Variants in AGFG1 observed in about 807,000 individuals in gnomAD.
AGFG1 encodes the protein ArfGAP with FG repeats 1.
A neutral mutation model predicts 60.6 loss-of-function variants in AGFG1; 10 were observed. The observed-to-expected ratio is 0.16, with a 90% CI of 0.10 to 0.28. AGFG1 has a LOEUF of 0.28. Among genes scored for constraint, AGFG1 ranks in the 10% least tolerant of loss-of-function variants. The pLI is 1.00. For missense variants in AGFG1, 537 were observed against 676.5 expected (o/e 0.79, Z 2.29); for synonymous variants, 247 against 242.9 (o/e 1.02, Z -0.16).
rs1477898460 is a variant in AGFG1 at position 227,558,504 on chromosome 2, C to G, written c.*4009C>G. Reference sequence around the variant, plus strand: ...ACTCCTATTTTGTAAAGCATTCCACCTTTATTGATACAGTTTGTGGCCTAT... The same window carrying G: ...ACTCCTATTTTGTAAAGCATTCCACGTTTATTGATACAGTTTGTGGCCTAT... On this transcript the variant is annotated 3_prime_UTR_variant, in exon 13 of 13. Coordinates refer to ENST00000310078, the MANE Select transcript of AGFG1 (RefSeq NM_004504.5). The G allele has an allele frequency of 6.6e-6, 1 of 151,860 alleles. No homozygotes were observed. The highest frequency in any genetic ancestry group is 2.4e-5 in the African/African-American group (1 of 41,330). The allele number at this position is 151,860 out of a possible 1,614,324, so 9.4% of individuals were successfully genotyped here.
intron 6 of AGFG1, among the ~76,000 whole-genome samples, chr2:227,531,583 C>T (rs1692161056): frequency 7.1e-6 from 1 of 140,592 alleles, no homozygotes; most frequent in Non-Finnish European, 1.5e-5. Context: ...CACATGCCAC[C>T]ACTCCCAGCT....
intron 6 of AGFG1, among the ~76,000 whole-genome samples, chr2:227,533,185 T>TTTGCATC (rs1403458631): frequency 6.6e-6 from 1 of 152,194 alleles, no homozygotes; most frequent in South Asian, 2.1e-4. Context: ...AGTAAGATAC[T>TTTGCATC]TTGCATCTTG....
rs930030632 is a variant in AGFG1, at chr2:227,556,287, A to G, written c.*1792A>G. 6.6e-6 allele frequency: 1 copy of G among 152,430 alleles called. No homozygotes were observed. Among genetic ancestry groups the G allele is most frequent in the Non-Finnish European group, 1.5e-5 (1 of 68,032 alleles). The allele number at this position is 152,430 out of a possible 1,614,324, so 9.4% of individuals were successfully genotyped here. ...GTTATCATAGTATTTTAAAACCTGT[A>G]TAGTGTTTTAGACTTGTTAAAACAT... On this transcript the variant is annotated 3_prime_UTR_variant, in exon 13 of 13. Coordinates refer to ENST00000310078, the MANE Select transcript of AGFG1 (RefSeq NM_004504.5).
At chr2:227,545,130 C>T (rs888054186) in intron 10 of AGFG1, among the ~76,000 whole-genome samples, 15 of 152,124 alleles carry the variant, frequency 9.9e-5, no homozygotes, top group East Asian at 3.8e-4. Flanking sequence ...CACATAGTCC[C>T]GTAGTTCTTG....
chr2:227,489,493 A>T (rs567389223), intron 1 of AGFG1, among the ~76,000 whole-genome samples: 41 of 152,164 alleles, frequency 2.7e-4, no homozygotes, highest in African/African-American at 8.9e-4. Context: ...AAGTACTGAG[A>T]TTACAGGTGT....
At chr2:227,544,379 C>A (rs1692581326) in intron 10 of AGFG1, among the ~76,000 whole-genome samples, 1 of 152,142 alleles carries the variant, frequency 6.6e-6, no homozygotes, top group African/African-American at 2.4e-5. Context: ...TGGTGTCGAT[C>A]TCCTGACCTC....
intron 10 of AGFG1, among the ~76,000 whole-genome samples, chr2:227,540,309 C>T (rs1196958392): frequency 6.6e-6 from 1 of 151,516 alleles, no homozygotes; most frequent in Admixed American, 6.6e-5. Context: ...TCGTCATTTA[C>T]ATTAGGTATG....
rs916041985 is a variant in AGFG1, at chr2:227,555,348, C to G, written c.*853C>G. On this transcript the variant is annotated 3_prime_UTR_variant, in exon 13 of 13. Coordinates refer to ENST00000310078, the MANE Select transcript of AGFG1 (RefSeq NM_004504.5). ...AGATTTACCATAATCCTACTAATTTCTTTGCAGCTTATTAATTTTGTGAAA... is the reference window on the plus strand; with the variant it reads ...AGATTTACCATAATCCTACTAATTTGTTTGCAGCTTATTAATTTTGTGAAA... 1.3e-5 allele frequency: 2 copies of G among 152,516 alleles called. No homozygotes were observed. The highest frequency in any genetic ancestry group is 2.9e-5 in the Non-Finnish European group (2 of 67,994). The allele number at this position is 152,516 out of a possible 1,614,324, so 9.4% of individuals were successfully genotyped here. A position where few individuals can be genotyped will look rare whatever the true frequency, so the allele number is the denominator to read the frequency against.
intron 1 of AGFG1, among the ~76,000 whole-genome samples, chr2:227,480,938 G>A (rs753635296): frequency 6.6e-6 from 1 of 152,126 alleles, no homozygotes; most frequent in Non-Finnish European, 1.5e-5. Context: ...CAAACCTTCA[G>A]TGTTGCTGTT....
At position 227,542,298 on chromosome 2, in the gene AGFG1, C is replaced by T. The variant is rs61562220; in HGVS notation, c.1378+5305C>T. On this transcript the variant is annotated intron_variant, in intron 10 of 12. Coordinates refer to ENST00000310078, the MANE Select transcript of AGFG1 (RefSeq NM_004504.5). ...TTCAGTATGATATTGGCTGTGGGTT[C>T]GTCATAAATAGCTCTTATTATTTTG... 9.8e-3 allele frequency among the ~76,000 whole-genome samples: 1,487 copies of T among 152,082 alleles called. 27 individuals carry two copies. Among genetic ancestry groups the T allele is most frequent in the African/African-American group, 0.033 (1,386 of 41,450 alleles).
chr2:227,514,417 C>T (rs1436528241), intron 2 of AGFG1, among the ~76,000 whole-genome samples: 1 of 151,952 alleles, frequency 6.6e-6, no homozygotes, highest in African/African-American at 2.4e-5. Flanking sequence ...GGGGTTTCAC[C>T]ATTTCGTCCA....
chr2:227,485,784 T>G (rs1005694453), intron 1 of AGFG1, among the ~76,000 whole-genome samples: 1 of 152,234 alleles, frequency 6.6e-6, no homozygotes, highest in Non-Finnish European at 1.5e-5. Flanking sequence ...TGCCTCATTC[T>G]GATAATTACA....
intron 5 of AGFG1, among the ~76,000 whole-genome samples, chr2:227,528,889 T>A (rs1331065291): frequency 6.6e-6 from 1 of 152,226 alleles, no homozygotes; most frequent in Non-Finnish European, 1.5e-5. Context: ...AAGAATCTTA[T>A]ATTTTGATCA....
chr2:227,480,212 A>G (rs1321917313), intron 1 of AGFG1, among the ~76,000 whole-genome samples: 1 of 152,204 alleles, frequency 6.6e-6, no homozygotes, highest in African/African-American at 2.4e-5. Flanking sequence ...AGCTGTACAC[A>G]TGATCACTGT....
intron 2 of AGFG1, among the ~76,000 whole-genome samples, chr2:227,501,468 G>A (rs1691152870): frequency 6.6e-6 from 1 of 152,212 alleles, no homozygotes; most frequent in Admixed American, 6.5e-5. Flanking sequence ...AATCTTAAGT[G>A]TACTTTTGGA....
chr2:227,510,732 A>G (rs1691473083), intron 2 of AGFG1: 1 of 152,172 alleles, frequency 6.6e-6, no homozygotes, highest in Non-Finnish European at 1.5e-5. Context: ...TCTAGAACAC[A>G]GTTCTGATGT....
chr2:227,539,206 G>T (rs1438713033), intron 10 of AGFG1, among the ~76,000 whole-genome samples: 1 of 152,132 alleles, frequency 6.6e-6, no homozygotes, highest in African/African-American at 2.4e-5. Flanking sequence ...ACTTTGGGAG[G>T]CCAAGGCGGG....
intron 2 of AGFG1, among the ~76,000 whole-genome samples, chr2:227,504,014 T>G (rs1016789975): frequency 1.3e-5 from 2 of 152,068 alleles, no homozygotes; most frequent in African/African-American, 4.8e-5. Flanking sequence ...ATAATGTTAT[T>G]AAGACATTAA....
chr2:227,492,735 G>A (rs1305011955), intron 2 of AGFG1, among the ~76,000 whole-genome samples: 5 of 151,976 alleles, frequency 3.3e-5, no homozygotes, highest in East Asian at 1.9e-4. Flanking sequence ...AGATTTTGCC[G>A]ATGACAAATT....
Sources: allele counts gnomAD v4.1 joint callset (sites outside exome capture counted in the v4.1 genomes callset), GRCh38; gene constraint gnomAD v4.1.1; transcripts MANE v1.5; gene names NCBI Gene and HGNC (gene_info 2026-07-23, HGNC 2026-07-21).